CCDC91: variants seen among roughly 807,000 people sequenced by gnomAD.
CCDC91 encodes coiled-coil domain containing 91.
In CCDC91, 48 loss-of-function variants were observed where a neutral mutation model predicts 63.2. The ratio of observed to expected loss-of-function variants is 0.76; its 90% CI spans 0.60 to 0.97. The LOEUF (loss-of-function observed/expected upper bound fraction) is 0.97. Ranked by LOEUF, CCDC91 falls within the 50% of genes least tolerant of loss-of-function variation. The pLI is 0.00. For synonymous variants in CCDC91, 167 were observed against 165.8 expected (o/e 1.01, Z -0.06); for missense variants, 500 against 494.6 (o/e 1.01, Z -0.10).
chr12:28,399,971 G>C (rs759418153), intron 8 of CCDC91, among the ~76,000 whole-genome samples: 1 of 152,170 alleles, frequency 6.6e-6, no homozygotes, highest in Non-Finnish European at 1.5e-5. Flanking sequence ...CTATTTTGGG[G>C]CCTGGAGGAT....
intron 1 of CCDC91, among the ~76,000 whole-genome samples, chr12:28,227,978 G>A (rs1944374177): frequency 6.6e-6 from 1 of 151,960 alleles, no homozygotes; most frequent in African/African-American, 2.4e-5. Context: ...AAAGAGTTTA[G>A]GAGTGTGTCT....
intron 8 of CCDC91, among the ~76,000 whole-genome samples, chr12:28,439,718 T>C (rs1273860060): frequency 6.8e-6 from 1 of 148,078 alleles, no homozygotes; most frequent in African/African-American, 2.4e-5. Flanking sequence ...GAGGTTTTTT[T>C]TTTCTTTCTT....
chr12:28,512,815 A>G (rs1268703247), intron 12 of CCDC91, among the ~76,000 whole-genome samples: 1 of 151,922 alleles, frequency 6.6e-6, no homozygotes, highest in East Asian at 1.9e-4. Context: ...GTTGTATGGT[A>G]CGGAAGGGAT....
rs539601329 is a variant in CCDC91 at position 28,317,296 on chromosome 12, A to C, written c.576+9547A>C. ...GACATCTAAAAGCTATACTATTGTT[A>C]ATACCATATTCTTAGATTCTTTTCC... is the stretch of plus-strand genomic sequence containing the variant. On this transcript the variant is annotated intron_variant, in intron 6 of 12. Coordinates refer to ENST00000536442, the MANE Select transcript of CCDC91 (RefSeq NM_018318.5). Among the ~76,000 whole-genome samples the C allele has an allele frequency of 2.0e-5, 3 of 152,116 alleles. No homozygotes were observed. In the East Asian group the frequency reaches 5.8e-4, roughly 30 times the overall value.
chr12:28,202,348 T>C (rs1441514303), intron 1 of CCDC91, among the ~76,000 whole-genome samples: 1 of 152,252 alleles, frequency 6.6e-6, no homozygotes, highest in Non-Finnish European at 1.5e-5. Flanking sequence ...AATTTTTTGT[T>C]GAAAATTAGA....
chr12:28,486,523 T>G (rs1951735070), intron 12 of CCDC91, among the ~76,000 whole-genome samples: 1 of 152,080 alleles, frequency 6.6e-6, no homozygotes, highest in African/African-American at 2.4e-5. Context: ...TAACATTTCT[T>G]TGGTTGAGAT....
intron 3 of CCDC91, among the ~76,000 whole-genome samples, chr12:28,284,837 T>G (rs1043972390): frequency 6.6e-6 from 1 of 152,210 alleles, no homozygotes; most frequent in Non-Finnish European, 1.5e-5. Context: ...ATTCTTTCTT[T>G]TTTTGCCTAG....
intron 6 of CCDC91, among the ~76,000 whole-genome samples, chr12:28,342,915 T>G (rs906939845): frequency 1.3e-5 from 2 of 152,126 alleles, no homozygotes; most frequent in African/African-American, 4.8e-5. Context: ...GGCTGAAGTT[T>G]GTAGACAGAC....
intron 3 of CCDC91, among the ~76,000 whole-genome samples, chr12:28,261,067 A>T (rs1946795366): frequency 6.6e-6 from 1 of 152,128 alleles, no homozygotes; most frequent in African/African-American, 2.4e-5. Flanking sequence ...GAAAAGAGTT[A>T]TCAGCAGGAC....
intron 1 of CCDC91, among the ~76,000 whole-genome samples, chr12:28,211,976 A>G (rs1943264570): frequency 6.6e-6 from 1 of 152,154 alleles, no homozygotes; most frequent in Non-Finnish European, 1.5e-5. Context: ...GACCCAGTCC[A>G]GTTTCTGTCA....
intron 2 of CCDC91, among the ~76,000 whole-genome samples, chr12:28,257,930 AT>A (rs71438740): frequency 0.014 from 2,035 of 143,196 alleles, 11 homozygotes; most frequent in Middle Eastern, 0.026. Flanking sequence ...GAATGCTGTG[AT>A]TTTTTTTTTT....
chr12:28,416,848 C>A (rs1371072233), intron 8 of CCDC91, among the ~76,000 whole-genome samples: 2 of 152,092 alleles, frequency 1.3e-5, no homozygotes, highest in South Asian at 2.1e-4. Context: ...AATGGTTATA[C>A]ACACACACTT....
At chr12:28,517,204 T>C (rs949859670) in intron 12 of CCDC91, among the ~76,000 whole-genome samples, 22 of 151,982 alleles carry the variant, frequency 1.4e-4, no homozygotes, top group African/African-American at 5.3e-4. Context: ...AAGGATGTCA[T>C]TATAATTGTT....
At chr12:28,213,963 CTCTT>C (rs1234715300) in intron 1 of CCDC91, among the ~76,000 whole-genome samples, 2 of 152,114 alleles carry the variant, frequency 1.3e-5, no homozygotes, top group African/African-American at 4.8e-5. Context: ...ATATATGGTG[CTCTT>C]TCTTCCATTG....
intron 7 of CCDC91, among the ~76,000 whole-genome samples, chr12:28,372,496 C>CT (rs1157606240): frequency 4.6e-5 from 7 of 151,800 alleles, no homozygotes; most frequent in South Asian, 2.1e-4. Context: ...GTCATTAATG[C>CT]TTTTTTTTAA....
chr12:28,464,123 G>A (rs1399060558), intron 11 of CCDC91, among the ~76,000 whole-genome samples: 1 of 152,058 alleles, frequency 6.6e-6, no homozygotes, highest in African/African-American at 2.4e-5. Context: ...CCTGACTCCT[G>A]CCCACTGAGT....
chr12:28,351,303 C>T (rs1428450637), intron 6 of CCDC91, among the ~76,000 whole-genome samples: 3 of 152,132 alleles, frequency 2.0e-5, no homozygotes, highest in African/African-American at 4.8e-5. Context: ...ATCAGATTCC[C>T]GTCTGAAAGA....
chr12:28,450,354 T>C lies in CCDC91; in HGVS notation c.860T>C (p.Ile287Thr). 1 of 1,611,600 alleles carries C rather than the reference T, an allele frequency of 6.2e-7. No individual in the cohort carries two copies. Among genetic ancestry groups the C allele is most frequent in the Non-Finnish European group, 8.5e-7 (1 of 1,178,092 alleles). Residue 287 changes from isoleucine to threonine, a missense_variant, in exon 10 of 13, where the codon ATA becomes ACA. Coordinates refer to ENST00000536442, the MANE Select transcript of CCDC91 (RefSeq NM_018318.5). Reference protein sequence around the residue: ...LIQQSQEQKEILEKCLEEERQ... With the variant: ...LIQQSQEQKETLEKCLEEERQ... ...AACTGTTTTATCATTTGACAGGAAA[T>C]ATTGGAAAAGTGTTTGGAGGAAGAA...
In CCDC91 at chr12:28,527,103, C is replaced by G. The variant is rs573627143; in HGVS notation, c.1216-21960C>G. ...ATAACTAACTGTCTGAATTCTTTTTCAGGTAAATCAGGGATTTCTTCTTGG... is the reference window on the plus strand; with the variant it reads ...ATAACTAACTGTCTGAATTCTTTTTGAGGTAAATCAGGGATTTCTTCTTGG... On this transcript the variant is annotated intron_variant, in intron 12 of 12. Coordinates refer to ENST00000536442, the MANE Select transcript of CCDC91 (RefSeq NM_018318.5). Among the ~76,000 whole-genome samples, 4 of 152,234 alleles carry G rather than the reference C, an allele frequency of 2.6e-5. No homozygotes were observed. In the Middle Eastern group the frequency reaches 0.014, roughly 518 times the overall value.
Sources: allele counts gnomAD v4.1 joint callset (sites outside exome capture counted in the v4.1 genomes callset), GRCh38; gene constraint gnomAD v4.1.1; transcripts MANE v1.5; gene names NCBI Gene and HGNC (gene_info 2026-07-23, HGNC 2026-07-21).